Variants in SIPA1L3 observed in about 807,000 individuals in gnomAD.
SIPA1L3 encodes signal-induced proliferation-associated 1-like protein 3.
A neutral mutation model predicts 150.1 loss-of-function variants in SIPA1L3; 59 were observed. That is an observed-to-expected ratio of 0.39 (90% confidence interval 0.32 to 0.49). The LOEUF is 0.49. Ranked by LOEUF, SIPA1L3 falls within the 20% of genes least tolerant of loss-of-function variation. The pLI is 0.86. For missense variants in SIPA1L3, 2,211 were observed against 2,489.5 expected (o/e 0.89, Z 2.38); for synonymous variants, 1,070 against 1,077.6 (o/e 0.99, Z 0.14).
At chr19:38,058,136 T>C (rs1969364408) in intron 2 of SIPA1L3, among the ~76,000 whole-genome samples, 3 of 152,190 alleles carry the variant, frequency 2.0e-5, no homozygotes. Flanking sequence ...GGTGTCCCCT[T>C]CCAGCCTGCT....
Position 38,042,556 on chromosome 19 carries a change from T to TA in SIPA1L3, c.-311+13401dup, listed in dbSNP as rs1446540629. On this transcript the variant is annotated intron_variant, in intron 2 of 21. Coordinates refer to ENST00000222345, the MANE Select transcript of SIPA1L3 (RefSeq NM_015073.3). ...CTCCTATAGTATATGCCTCCCTTTT[T>TA]ATTATTGCCCAAACTAGCATCATTT... Among the ~76,000 whole-genome samples the TA allele has an allele frequency of 2.0e-5, 3 of 152,176 alleles. No individual in the cohort carries two copies. In the East Asian group the frequency reaches 5.8e-4, roughly 29 times the overall value.
rs139612127 is a variant in SIPA1L3, at chr19:38,082,518, C to T, written c.953C>T (p.Pro318Leu). The change falls in exon 3 of 22, where the codon CCG becomes CTG. Residue 318 changes from proline (P) to leucine (L), a missense_variant. Pro to Leu is a moderately conservative substitution (Grantham distance 98). Transcript: ENST00000222345. ...SKPEGEAGRSPGEADEGRSPP... is the reference protein window; with the variant it reads ...SKPEGEAGRSLGEADEGRSPP... ...CCCGAGGGGGAGGCTGGGCGTTCCC[C>T]GGGGGAGGCCGACGAGGGCCGGAGC... 241 of 1,597,240 alleles carry T rather than the reference C, an allele frequency of 1.5e-4. No homozygotes were observed. The African/African-American group carries it at 2.6e-3, about 17-fold the overall frequency.
intron 1 of SIPA1L3, among the ~76,000 whole-genome samples, chr19:38,005,087 G>A (rs1267501219): frequency 6.6e-6 from 1 of 152,066 alleles, no homozygotes; most frequent in South Asian, 2.1e-4. Context: ...TGAGTCAGAT[G>A]TCCCCCACCC....
intron 1 of SIPA1L3, among the ~76,000 whole-genome samples, chr19:37,982,615 C>T (rs898173136): frequency 1.8e-4 from 27 of 152,200 alleles, no homozygotes; most frequent in African/African-American, 5.1e-4. Flanking sequence ...CAGCCTCTAC[C>T]GTCTGGATCA....
At chr19:37,965,342 C>T (rs1472482638) in intron 1 of SIPA1L3, among the ~76,000 whole-genome samples, 8 of 132,282 alleles carry the variant, frequency 6.0e-5, no homozygotes, top group African/African-American at 2.3e-4. Context: ...TTTGAGAAGG[C>T]GTCTCCCTCT....
intron 1 of SIPA1L3, among the ~76,000 whole-genome samples, chr19:37,995,760 A>G (rs1001972673): frequency 2.6e-5 from 4 of 152,160 alleles, no homozygotes; most frequent in Non-Finnish European, 4.4e-5. Context: ...GTCTTATGTC[A>G]CTGGGAAGTC....
chr19:38,128,517 G>A (rs949053585), intron 9 of SIPA1L3, among the ~76,000 whole-genome samples: 7 of 152,230 alleles, frequency 4.6e-5, no homozygotes, highest in African/African-American at 1.7e-4. Context: ...GTGGGCATGT[G>A]TGTAAAACAC....
intron 1 of SIPA1L3, among the ~76,000 whole-genome samples, chr19:38,012,912 C>T (rs1187484950): frequency 1.3e-5 from 2 of 152,172 alleles, no homozygotes; most frequent in African/African-American, 2.4e-5. Flanking sequence ...CTTGATTCTT[C>T]TACCATCTTT....
Position 38,164,988 on chromosome 19 carries a change from C to A in SIPA1L3, c.4208+82C>A. The A allele has an allele frequency of 7.6e-7, 1 of 1,319,660 alleles. No individual in the cohort carries two copies. Among genetic ancestry groups the A allele is most frequent in the Non-Finnish European group, 1.0e-6 (1 of 987,742 alleles). 81.7% of individuals were successfully genotyped at this position (1,319,660 alleles called of 1,614,324 possible). A position where few individuals can be genotyped will look rare whatever the true frequency, so the allele number is the denominator to read the frequency against. On this transcript the variant is annotated intron_variant, in intron 15 of 21. Transcript: ENST00000222345. This position sits in a 1 kb window ranked among gnomAD's most constrained non-coding sequence, Gnocchi z 4.1. ...TTTACGGTCCTGATGGTGGGGTTCT[C>A]CTCCCCAGAAACACACTCACGGATG... is the stretch of plus-strand genomic sequence containing the variant.
chr19:38,049,766 C>T (rs1195900925), intron 2 of SIPA1L3, among the ~76,000 whole-genome samples: 1 of 151,944 alleles, frequency 6.6e-6, no homozygotes, highest in African/African-American at 2.4e-5. Flanking sequence ...GCTGCTCTGA[C>T]CCGCGTTCCC....
chr19:37,971,927 T>G (rs890092934), intron 1 of SIPA1L3, among the ~76,000 whole-genome samples: 3 of 152,146 alleles, frequency 2.0e-5, no homozygotes, highest in Non-Finnish European at 4.4e-5. Context: ...CATTCCTTTT[T>G]GGGTTGGATA....
intron 1 of SIPA1L3, among the ~76,000 whole-genome samples, chr19:37,912,864 G>A (rs2046387727): frequency 6.6e-6 from 1 of 152,238 alleles, no homozygotes; most frequent in African/African-American, 2.4e-5. Context: ...GCTTGGAGAT[G>A]TTGGGGGCCT....
intron 1 of SIPA1L3, among the ~76,000 whole-genome samples, chr19:37,924,875 C>T (rs1462664980): frequency 6.6e-6 from 1 of 151,566 alleles, no homozygotes; most frequent in East Asian, 1.9e-4. Context: ...ATAGTGAAAC[C>T]CTCTCTCTAC....
intron 1 of SIPA1L3, among the ~76,000 whole-genome samples, chr19:37,928,594 C>T (rs2046526908): frequency 6.6e-6 from 1 of 151,992 alleles, no homozygotes; most frequent in African/African-American, 2.4e-5. Flanking sequence ...AAACAAAAAA[C>T]CCTAGCAAGG....
At chr19:38,027,112 C>T (rs376250472) in intron 1 of SIPA1L3, among the ~76,000 whole-genome samples, 12 of 152,054 alleles carry the variant, frequency 7.9e-5, no homozygotes, top group Non-Finnish European at 1.8e-4. Flanking sequence ...GACAACGTGA[C>T]GAAACCCCAT....
At chr19:38,050,424 C>G (rs1969164646) in intron 2 of SIPA1L3, among the ~76,000 whole-genome samples, 1 of 152,022 alleles carries the variant, frequency 6.6e-6, no homozygotes, top group African/African-American at 2.4e-5. Context: ...CCACTGCACT[C>G]CAGCCTGGCC....
intron 1 of SIPA1L3, among the ~76,000 whole-genome samples, chr19:37,974,991 C>T (rs1845797322): frequency 6.6e-6 from 1 of 152,210 alleles, no homozygotes; most frequent in Admixed American, 6.5e-5. Flanking sequence ...TCCTGGCTAA[C>T]ATGGTGAAAC....
At chr19:38,135,014 G>C (rs1001273610) in intron 10 of SIPA1L3, among the ~76,000 whole-genome samples, 6 of 152,178 alleles carry the variant, frequency 3.9e-5, no homozygotes, top group Non-Finnish European at 8.8e-5. Flanking sequence ...TGTGATCTCT[G>C]CTTTGTAGAC....
chr19:38,201,790 GGCGTGGTCCGTCTGTTGCGGGAGAA>G (rs1973092495), intron 19 of SIPA1L3, 47 bp from the exon 20 acceptor site: 3 of 1,506,130 alleles, frequency 2.0e-6, no homozygotes, highest in Non-Finnish European at 2.7e-6. Flanking sequence ...TGCAGGGAGA[GGCGTGGTCCGTCTGTTGCGGGAGAA>G]GCCGGGAGCC....
Sources: gnomAD v4.1 joint callset for allele counts (sites outside exome capture counted in the v4.1 genomes callset) on GRCh38, gnomAD v4.1.1 for gene constraint, Gnocchi (gnomAD v3.1) non-coding constraint, MANE v1.5 for transcripts, NCBI Gene and HGNC (gene_info 2026-07-23, HGNC 2026-07-21) for gene names.